NRG2: variants seen among roughly 807,000 people sequenced by gnomAD.
NRG2 encodes pro-neuregulin-2, membrane-bound isoform.
In NRG2, 27 loss-of-function variants were observed where a neutral mutation model predicts 73.9. The observed-to-expected ratio is 0.37, with a 90% confidence interval of 0.27 to 0.50. The LOEUF (loss-of-function observed/expected upper bound fraction) is 0.50. Among genes scored for constraint, NRG2 ranks in the 20% least tolerant of loss-of-function variants. NRG2 has a pLI of 0.96. For synonymous variants in NRG2, 532 were observed against 541.0 expected (o/e 0.98, Z 0.23); for missense variants, 1,126 against 1,210.1 (o/e 0.93, Z 1.03).
intron 1 of NRG2, among the ~76,000 whole-genome samples, chr5:139,919,721 A>G (rs918155634): frequency 7.2e-5 from 11 of 152,232 alleles, no homozygotes; most frequent in African/African-American, 1.9e-4. Context: ...CTGAATTACA[A>G]TATTAATACA....
At chr5:139,943,754 A>G (rs1179258702) in intron 1 of NRG2, among the ~76,000 whole-genome samples, 1 of 152,222 alleles carries the variant, frequency 6.6e-6, no homozygotes, top group Non-Finnish European at 1.5e-5. Context: ...TAAAAATAAA[A>G]TGAAATACCA....
intron 1 of NRG2, among the ~76,000 whole-genome samples, chr5:139,942,007 T>A (rs1753435636): frequency 6.6e-6 from 1 of 152,156 alleles, no homozygotes; most frequent in Admixed American, 6.6e-5. Flanking sequence ...AAATACCAAA[T>A]CCGTAGCAAA....
intron 1 of NRG2, among the ~76,000 whole-genome samples, chr5:139,908,439 G>C (rs1478054340): frequency 3.3e-5 from 5 of 152,190 alleles, no homozygotes; most frequent in African/African-American, 1.2e-4. Context: ...CAGCAGTGAA[G>C]ACAGTGAAAA....
intron 1 of NRG2, among the ~76,000 whole-genome samples, chr5:140,034,089 G>A (rs1165928690): frequency 6.6e-6 from 1 of 152,000 alleles, no homozygotes; most frequent in African/African-American, 2.4e-5. Flanking sequence ...CTCCCCAGTA[G>A]CTGGGACTAC....
At chr5:139,945,124 G>C (rs1044346206) in intron 1 of NRG2, among the ~76,000 whole-genome samples, 2 of 152,026 alleles carry the variant, frequency 1.3e-5, no homozygotes. Context: ...CTGTTGAGGT[G>C]TTTGAGTTTC....
rs1434417514 is a variant in NRG2, at chr5:139,954,270, G to A, written c.701-66759C>T. 1.3e-5 allele frequency among the ~76,000 whole-genome samples: 2 copies of A among 152,196 alleles called. No individual in the cohort carries two copies. The highest frequency in any genetic ancestry group is 4.8e-5 in the African/African-American group (2 of 41,430). ...AGCAGCCAGCAGCAGCCAAGCCAGA[G>A]AGGAGCAGCCTGGGGCCCCAGGAGA... On this transcript the variant is annotated intron_variant, in intron 1 of 9. Coordinates refer to ENST00000361474, the MANE Select transcript of NRG2 (RefSeq NM_004883.3). This position sits in a 1 kb window ranked among gnomAD's most constrained non-coding sequence, Gnocchi z 5.0.
intron 1 of NRG2, among the ~76,000 whole-genome samples, chr5:139,899,021 C>T (rs1764720177): frequency 6.6e-6 from 1 of 152,244 alleles, no homozygotes; most frequent in African/African-American, 2.4e-5. Flanking sequence ...TCTCTTCTAT[C>T]TGTTCTGGGC....
At chr5:140,013,935 C>A (rs1410805337) in intron 1 of NRG2, among the ~76,000 whole-genome samples, 1 of 152,206 alleles carries the variant, frequency 6.6e-6, no homozygotes, top group Non-Finnish European at 1.5e-5. Flanking sequence ...TTTCTGGCTT[C>A]TTCTCTTCTC....
At chr5:139,988,496 G>A (rs1757344061) in intron 1 of NRG2, among the ~76,000 whole-genome samples, 2 of 151,970 alleles carry the variant, frequency 1.3e-5, no homozygotes, top group Admixed American at 1.3e-4. Context: ...AAAAGATCTG[G>A]AGGAACCTTA....
chr5:140,006,119 T>C (rs966470047), intron 1 of NRG2, among the ~76,000 whole-genome samples: 1 of 152,218 alleles, frequency 6.6e-6, no homozygotes, highest in Admixed American at 6.5e-5. Flanking sequence ...TCTTCCAGTC[T>C]TGGGTCTCAT....
Position 140,042,958 on chromosome 5 carries a change from T to C in NRG2, c.112A>G (p.Ser38Gly), listed in dbSNP as rs1561776035. The C allele has an allele frequency of 3.2e-6, 5 of 1,546,516 alleles. No homozygotes were observed. The Admixed American group carries it at 9.7e-5, about 30-fold the overall frequency. ...CTGCTGCCGCTCTCGCTGCTGCTGC[T>C]GCTGCTGCTGCTGCTCCTCTCGCTG... Reference protein sequence around the residue: ...SSSERSSSSSSSSSESGSSSR... With the variant: ...SSSERSSSSSGSSSESGSSSR... The change falls in exon 1 of 10, where the codon AGC becomes GGC. Residue 38 changes from serine to glycine, a missense_variant. By Grantham distance (56) the Ser-to-Gly change is moderately conservative. Coordinates refer to ENST00000361474, the MANE Select transcript of NRG2 (RefSeq NM_004883.3).
intron 1 of NRG2, among the ~76,000 whole-genome samples, chr5:139,973,156 C>CAAAAAAAAAAAAAAA (rs58053481): frequency 1.1e-5 from 1 of 89,422 alleles, no homozygotes; most frequent in Non-Finnish European, 2.3e-5. Context: ...TAAGAATATG[C>CAAAAAAAAAAAAAAA]AAAAAAAAAA....
chr5:139,911,973 C>G (rs74643152), intron 1 of NRG2, among the ~76,000 whole-genome samples: 38 of 152,296 alleles, frequency 2.5e-4, no homozygotes, highest in African/African-American at 9.1e-4. Context: ...CCCTGGGGTA[C>G]AGTGACTGCA....
In NRG2 at chr5:139,848,646, G is replaced by A. The variant is rs1761194907; in HGVS notation, c.1824C>T (p.His608=). Residue 608 remains histidine (H), a synonymous_variant, in exon 10 of 10, where the codon CAC becomes CAT. Transcript: ENST00000361474. ...TTGGCACCTGCGTGGCCAGCGAGTA[G>A]TGGAAGTCCACGGGCGAGAGGCGCG... ...TPARLSPVDF[H]YSLATQVPTF... is the part of the protein sequence containing the mutation. 2 of 1,575,854 alleles carry A rather than the reference G, an allele frequency of 1.3e-6. No homozygotes were observed. Among genetic ancestry groups the A allele is most frequent in the East Asian group, 4.7e-5 (2 of 42,268 alleles).
chr5:140,022,587 A>G (rs528025296), intron 1 of NRG2, among the ~76,000 whole-genome samples: 1 of 152,334 alleles, frequency 6.6e-6, no homozygotes, highest in Admixed American at 6.5e-5. Context: ...TCTAGCATAG[A>G]TGGCCTGGGT....
chr5:139,974,270 AT>A (rs1215331279), intron 1 of NRG2, among the ~76,000 whole-genome samples: 1 of 150,360 alleles, frequency 6.7e-6, no homozygotes, highest in African/African-American at 2.4e-5. Context: ...ACAAAAGGCT[AT>A]GATGTGACAA....
intron 1 of NRG2, among the ~76,000 whole-genome samples, chr5:140,009,996 A>C (rs767477568): frequency 6.6e-6 from 1 of 152,154 alleles, no homozygotes; most frequent in Non-Finnish European, 1.5e-5. Context: ...TTTTTAGAGC[A>C]GTCAAAAATT....
At chr5:139,881,372 G>C (rs1296735199) in intron 2 of NRG2, among the ~76,000 whole-genome samples, 2 of 152,108 alleles carry the variant, frequency 1.3e-5, no homozygotes, top group Non-Finnish European at 2.9e-5. Context: ...TGTCATTCTG[G>C]GTATGCAAGA....
intron 1 of NRG2, among the ~76,000 whole-genome samples, chr5:139,922,070 C>CAAAAA (rs35988908): frequency 1.3e-5 from 1 of 77,186 alleles, no homozygotes; most frequent in South Asian, 4.0e-4. Context: ...GATTCTGTCT[C>CAAAAA]AAAAAAAAAA....
Sources: allele counts gnomAD v4.1 joint callset (sites outside exome capture counted in the v4.1 genomes callset), GRCh38; gene constraint gnomAD v4.1.1; non-coding constraint Gnocchi (gnomAD v3.1); transcripts MANE v1.5; gene names NCBI Gene and HGNC (gene_info 2026-07-23, HGNC 2026-07-21).